CFAP99: variants seen among roughly 807,000 people sequenced by gnomAD.
CFAP99 encodes the protein cilia- and flagella-associated protein 99.
Under a neutral mutation model 82.7 loss-of-function variants are expected in CFAP99, and 84 were observed. The ratio of observed to expected loss-of-function variants is 1.02; its 90% CI spans 0.85 to 1.22. The LOEUF (loss-of-function observed/expected upper bound fraction) is 1.22, where lower values mean the gene tolerates loss of function less well. CFAP99 is among the 50% of genes most tolerant of loss of function. The pLI is 0.00. For synonymous variants in CFAP99, 456 were observed against 429.5 expected, an observed-to-expected ratio of 1.06 and a Z score of -0.76; for missense variants, 1,059 against 983.5, an observed-to-expected ratio of 1.08 and a Z score of -1.03.
At chr4:2,426,785 G>C (rs1317684528) in intron 2 of CFAP99, 199 bp downstream of exon 2, 4 of 571,856 alleles carry the variant, frequency 7.0e-6, no homozygotes, top group Non-Finnish European at 1.3e-5. Context: ...GCCAGGCTCT[G>C]GTGAAAGAAG....
rs750186691 is a variant in CFAP99 at position 2,460,043 on chromosome 4, G to A, written c.1462G>A (p.Gly488Ser). ...CTCCCCTACCACCCCACAGATCCCC[G>A]GCTACGGCCTGGAAGGAGAGATGTC... Residue 488 changes from glycine to serine, a missense_variant, in exon 14 of 15, where the codon GGC becomes AGC. Coordinates refer to ENST00000635017, the Ensembl canonical transcript of CFAP99. 2.4e-4 allele frequency: 376 copies of A among 1,535,826 alleles called. 1 individual carries two copies. Among genetic ancestry groups the A allele is most frequent in the South Asian group, 5.8e-4 (49 of 84,030 alleles).
At chr4:2,454,581 C>CT (rs200727697) in intron 11 of CFAP99, among the ~76,000 whole-genome samples, 988 of 94,590 alleles carry the variant, frequency 0.01, 7 homozygotes, top group African/African-American at 0.031. Context: ...TGTTTTTTTT[C>CT]TTTTTTTTTT....
In CFAP99 at chr4:2,448,429, C is replaced by T. The variant is rs1249876396; in HGVS notation, c.643-1241C>T. 1.3e-5 allele frequency among the ~76,000 whole-genome samples: 2 copies of T among 152,240 alleles called. No individual in the cohort carries two copies. Among genetic ancestry groups the T allele is most frequent in the East Asian group, 1.9e-4 (1 of 5,200 alleles). The stretch of plus-strand genomic sequence containing the variant: ...CTGTGCTGAAACTATCCTCTACCCT[C>T]CCTGCCCTGCCCCATGCCTAAGACA... On this transcript the variant is annotated intron_variant, in intron 6 of 14. Transcript: ENST00000635017. This position sits in a 1 kb window ranked among gnomAD's most constrained non-coding sequence, Gnocchi z 5.2.
In CFAP99 at chr4:2,438,174, C is replaced by T. The variant is rs1733959794; in HGVS notation, c.351+10C>T. ...GGATAAGATGTGCAAGGTGAGCCAC[C>T]CCTACCTGCCCACCAGGCCACGAGG... On this transcript the variant is annotated intron_variant, in intron 4 of 14. Coordinates refer to ENST00000635017, the Ensembl canonical transcript of CFAP99. The T allele has an allele frequency of 1.3e-6, 2 of 1,498,786 alleles. No homozygotes were observed. The highest frequency in any genetic ancestry group is 1.7e-4 in the Middle Eastern group (1 of 5,904). The allele number at this position is 1,498,786 out of a possible 1,614,324, so 92.8% of individuals were successfully genotyped here. A position where few individuals can be genotyped will look rare whatever the true frequency, so the allele number is the denominator to read the frequency against.
chr4:2,460,365 T>C (rs546191412), intron 14 of CFAP99, 123 bp downstream of exon 14: 43 of 828,782 alleles, frequency 5.2e-5, no homozygotes, highest in Middle Eastern at 3.5e-4. Flanking sequence ...GGAAGTTCCC[T>C]TGCCGTAACT....
intron 1 of CFAP99, among the ~76,000 whole-genome samples, chr4:2,424,345 C>T (rs768372114): frequency 7.9e-5 from 12 of 152,212 alleles, no homozygotes; most frequent in Non-Finnish European, 1.2e-4. Context: ...CCCAGCTACT[C>T]AGGAGGCTAA....
rs534836202 is a variant in CFAP99 at position 2,446,502 on chromosome 4, C to T, written c.642+1194C>T. Among the ~76,000 whole-genome samples the T allele has an allele frequency of 6.6e-6, 1 of 152,230 alleles. No individual in the cohort carries two copies. Among genetic ancestry groups the T allele is most frequent in the East Asian group, 1.9e-4 (1 of 5,180 alleles). On this transcript the variant is annotated intron_variant, in intron 6 of 14. Transcript: ENST00000635017. This position sits in a 1 kb window ranked among gnomAD's most constrained non-coding sequence, Gnocchi z 5.0. ...CTGCCTCCTAGGTTTAAGTGATTCT[C>T]CTGCCTCAGCCCCCCGAGTAGCTGG...
chr4:2,460,282 G>C (rs1452572447), intron 14 of CFAP99, 40 bp downstream of exon 14: 3 of 1,518,772 alleles, frequency 2.0e-6, no homozygotes, highest in South Asian at 2.4e-5. Context: ...TGGGTGGACA[G>C]GGAGCATGCT....
chr4:2,438,256 T>TCTTG, intron 4 of CFAP99, 92 bp downstream of exon 4: 1 of 772,510 alleles, frequency 1.3e-6, no homozygotes, highest in Non-Finnish European at 2.2e-6. Context: ...GGTTGGGTTG[T>TCTTG]TTTGTTTGTT....
At chr4:2,437,415 T>C (rs1326056632) in intron 3 of CFAP99, among the ~76,000 whole-genome samples, 1 of 152,202 alleles carries the variant, frequency 6.6e-6, no homozygotes, top group African/African-American at 2.4e-5. Context: ...TGCCTGGGCT[T>C]CCTGCAGCCT....
At chr4:2,443,585 C>A (rs1451693461) in intron 5 of CFAP99, among the ~76,000 whole-genome samples, 1 of 152,190 alleles carries the variant, frequency 6.6e-6, no homozygotes, top group Non-Finnish European at 1.5e-5. Context: ...TACATGCTGG[C>A]TGGGGCTGCG....
intron 3 of CFAP99, among the ~76,000 whole-genome samples, chr4:2,437,789 A>C (rs1278483009): frequency 3.3e-5 from 5 of 152,222 alleles, no homozygotes; most frequent in Admixed American, 1.3e-4. Flanking sequence ...GAAATTGACA[A>C]ACAAGTCCAA....
At chr4:2,451,351 A>C (rs1302937405) in exon 10 of CFAP99, 1 of 1,535,250 alleles carries the variant, frequency 6.5e-7, no homozygotes, top group East Asian at 2.4e-5. Flanking sequence ...GGAGCTGCAG[A>C]GGTGAAGGGC....
intron 5 of CFAP99, among the ~76,000 whole-genome samples, chr4:2,444,365 A>C (rs562703323): frequency 6.6e-6 from 1 of 152,130 alleles, no homozygotes; most frequent in Non-Finnish European, 1.5e-5. Flanking sequence ...CCTCTCCCCA[A>C]CCTGCCTCAA....
At chr4:2,449,996 G>C (rs1227562694) in exon 8 of CFAP99, 1 of 1,536,042 alleles carries the variant, frequency 6.5e-7, no homozygotes, top group East Asian at 2.4e-5. Context: ...CCTGCAGGGA[G>C]CGAGTGCAGG....
At chr4:2,450,609 G>A (rs1377585059) in intron 8 of CFAP99, among the ~76,000 whole-genome samples, 2 of 152,216 alleles carry the variant, frequency 1.3e-5, no homozygotes, top group African/African-American at 2.4e-5. Flanking sequence ...TCGGGGAGAG[G>A]CCATGGGGGC....
chr4:2,458,678 G>C (rs1734494121), intron 11 of CFAP99, 45 bp from the exon 12 acceptor site: 1 of 1,506,870 alleles, frequency 6.6e-7, no homozygotes, highest in East Asian at 2.5e-5. Context: ...AGGCAGGGAA[G>C]CCGGAGCAGC....
At chr4:2,457,999 G>A (rs983297254) in intron 11 of CFAP99, among the ~76,000 whole-genome samples, 2 of 152,190 alleles carry the variant, frequency 1.3e-5, no homozygotes, top group Non-Finnish European at 2.9e-5. Context: ...ACTCCCAAGC[G>A]GGAGCCTTTT....
At chr4:2,442,472 G>A (rs1578473533) in intron 4 of CFAP99, among the ~76,000 whole-genome samples, 1 of 152,050 alleles carries the variant, frequency 6.6e-6, no homozygotes, top group Non-Finnish European at 1.5e-5. Flanking sequence ...ACCCTGGGGA[G>A]GCACAGCAGT....
Sources: gnomAD v4.1 joint callset for allele counts (sites outside exome capture counted in the v4.1 genomes callset) on GRCh38, gnomAD v4.1.1 for gene constraint, Gnocchi (gnomAD v3.1) non-coding constraint, MANE v1.5 for transcripts, NCBI Gene and HGNC (gene_info 2026-07-23, HGNC 2026-07-21) for gene names.